Variants in CCDC198 observed in about 807,000 individuals in gnomAD.
The protein encoded by CCDC198 is factor associated with metabolism and energy.
In CCDC198, 18 loss-of-function variants were observed where a neutral mutation model predicts 35.6. The ratio of observed to expected loss-of-function variants is 0.51; its 90% CI spans 0.35 to 0.75. The LOEUF (loss-of-function observed/expected upper bound fraction) is 0.75, where lower values mean the gene tolerates loss of function less well. Ranked by LOEUF, CCDC198 falls within the 30% of genes least tolerant of loss-of-function variation. CCDC198 has a pLI of 0.01. For missense variants in CCDC198, 365 were observed against 343.7 expected (o/e 1.06, Z -0.49); for synonymous variants, 119 against 113.4 (o/e 1.05, Z -0.31).
rs573214004 is a variant in CCDC198 at position 57,483,923 on chromosome 14, A to G, written c.307-772T>C. On this transcript the variant is annotated intron_variant, in intron 2 of 5. Transcript: ENST00000216445. ...GCTACATGCCAGACATGGGGATGCA[A>G]CGGTCACCAAAAGTGGATGTGGCCC... Among the ~76,000 whole-genome samples the G allele has an allele frequency of 1.1e-4, 16 of 152,330 alleles. 1 individual carries two copies. In the South Asian group the frequency reaches 3.3e-3, roughly 32 times the overall value.
At chr14:57,478,882 A>G (rs2067090336) in intron 5 of CCDC198, 10 of 1,177,896 alleles carry the variant, frequency 8.5e-6, no homozygotes, top group Non-Finnish European at 9.7e-6. Context: ...TTTGCGTCTT[A>G]GAAGTTCAAG....
At chr14:57,484,989 T>C (rs1000117454) in intron 2 of CCDC198, among the ~76,000 whole-genome samples, 1 of 152,090 alleles carries the variant, frequency 6.6e-6, no homozygotes, top group African/African-American at 2.4e-5. Flanking sequence ...CAAGATTCAT[T>C]ATGGTTAGTA....
intron 5 of CCDC198, among the ~76,000 whole-genome samples, chr14:57,479,394 T>G (rs1424302355): frequency 6.6e-6 from 1 of 152,160 alleles, no homozygotes; most frequent in South Asian, 2.1e-4. Flanking sequence ...TAGCTCCATG[T>G]TAAGGAGTTT....
chr14:57,472,294 C>T lies in CCDC198; in HGVS notation c.656-704G>A, dbSNP rs577016276. 5.7e-4 allele frequency among the ~76,000 whole-genome samples: 87 copies of T among 152,236 alleles called. 1 individual carries two copies. The Middle Eastern group carries it at 0.01, about 18-fold the overall frequency. On this transcript the variant is annotated intron_variant, in intron 5 of 5. Coordinates refer to ENST00000216445, the MANE Select transcript of CCDC198 (RefSeq NM_018168.4). ...CAATCTCTACACCCCATCACCGTTCCTCCTCTTTCTCCTCTTCTGTTTCCT... is the reference window on the plus strand; with the variant it reads ...CAATCTCTACACCCCATCACCGTTCTTCCTCTTTCTCCTCTTCTGTTTCCT...
intron 2 of CCDC198, among the ~76,000 whole-genome samples, chr14:57,488,952 GAAGAC>G (rs1566591411): frequency 1.3e-5 from 2 of 152,172 alleles, no homozygotes; most frequent in East Asian, 3.9e-4. Context: ...AACCATTGTG[GAAGAC>G]AGTGTGGTGA....
At chr14:57,485,180 C>T (rs773281200) in intron 2 of CCDC198, among the ~76,000 whole-genome samples, 1 of 150,088 alleles carries the variant, frequency 6.7e-6, no homozygotes, top group African/African-American at 2.5e-5. Flanking sequence ...ATACAGGGAG[C>T]TTGGGAGGAG....
At chr14:57,482,615 C>T (rs555218651) in intron 3 of CCDC198, among the ~76,000 whole-genome samples, 1 of 152,092 alleles carries the variant, frequency 6.6e-6, no homozygotes, top group Non-Finnish European at 1.5e-5. Flanking sequence ...GAAGACATTT[C>T]CCAGGATTAA....
intron 5 of CCDC198, among the ~76,000 whole-genome samples, chr14:57,477,531 G>T (rs774675772): frequency 6.6e-6 from 1 of 152,048 alleles, no homozygotes; most frequent in Non-Finnish European, 1.5e-5. Context: ...CAAAGAAAAA[G>T]ATTCTCATAC....
At chr14:57,474,622 A>G (rs1029314869) in intron 5 of CCDC198, among the ~76,000 whole-genome samples, 27 of 152,248 alleles carry the variant, frequency 1.8e-4, no homozygotes, top group African/African-American at 6.5e-4. Flanking sequence ...TGTACACAGC[A>G]TTAAAATTTG....
At chr14:57,475,411 T>C in intron 5 of CCDC198, 2 of 1,144,100 alleles carry the variant, frequency 1.7e-6, no homozygotes, top group Non-Finnish European at 2.2e-6. Context: ...AAGTGACACA[T>C]CCCTGAAGCA....
Position 57,471,491 on chromosome 14 carries a change from G to T in CCDC198, c.755C>A (p.Ala252Asp). 6.2e-7 allele frequency: 1 copy of T among 1,613,896 alleles called. No individual in the cohort carries two copies. Among genetic ancestry groups the T allele is most frequent in the Non-Finnish European group, 8.5e-7 (1 of 1,179,928 alleles). Residue 252 changes from alanine (A) to aspartate (D), a missense_variant, in exon 6 of 6, where the codon GCC (alanine) becomes GAC (aspartate). Transcript: ENST00000216445. Reference sequence around the variant, plus strand: ...ACTGTCCCAGAGAAGCTGTCCCTGGGCCTCTTGTTCATGAAGCCATGTTTC... The same window carrying T: ...ACTGTCCCAGAGAAGCTGTCCCTGGTCCTCTTGTTCATGAAGCCATGTTTC... ...KMETWLHEQE[A>D]QGQLLWDSSS...
At chr14:57,473,397 C>T (rs2066880213) in intron 5 of CCDC198, among the ~76,000 whole-genome samples, 1 of 152,186 alleles carries the variant, frequency 6.6e-6, no homozygotes. Flanking sequence ...CCTGCTTCTG[C>T]TCCTGGCTAC....
At chr14:57,490,213 G>A (rs936537962) in intron 2 of CCDC198, among the ~76,000 whole-genome samples, 2 of 152,118 alleles carry the variant, frequency 1.3e-5, no homozygotes, top group African/African-American at 2.4e-5. Flanking sequence ...CTGCTCACAA[G>A]AGAGCCCCAA....
rs140040028 is a variant in CCDC198, at chr14:57,482,409, G to A, written c.393+656C>T. 2.5e-3 allele frequency among the ~76,000 whole-genome samples: 383 copies of A among 152,248 alleles called. 3 individuals carry two copies. Among genetic ancestry groups the A allele is most frequent in the South Asian group, 4.4e-3 (21 of 4,824 alleles). Reference sequence around the variant, plus strand: ...CACAGATGCTGTCAGCACCACAAACGTGGGCTTGAGGATGTGACAGCACCT... The same window carrying A: ...CACAGATGCTGTCAGCACCACAAACATGGGCTTGAGGATGTGACAGCACCT... On this transcript the variant is annotated intron_variant, in intron 3 of 5. Transcript: ENST00000216445.
At chr14:57,493,155 C>A (rs1266661146) in intron 1 of CCDC198, among the ~76,000 whole-genome samples, 3 of 152,156 alleles carry the variant, frequency 2.0e-5, no homozygotes, top group Non-Finnish European at 4.4e-5. Context: ...CGATTGCTAT[C>A]ATTTATCACT....
rs570615319 is a variant in CCDC198 at position 57,476,849 on chromosome 14, A to G, written c.655+3746T>C. Among the ~76,000 whole-genome samples, 8 of 152,354 alleles carry G rather than the reference A, an allele frequency of 5.3e-5. 1 individual carries two copies. The highest frequency in any genetic ancestry group is 1.9e-4 in the African/African-American group (8 of 41,588). The stretch of plus-strand genomic sequence containing the variant: ...AAGTGTAAGATCTTAGCTACACTCC[A>G]TTTGTAGGAGAAAGCGAACTACTTT... On this transcript the variant is annotated intron_variant, in intron 5 of 5. Transcript: ENST00000216445.
chr14:57,489,321 C>A (rs2067480624), intron 2 of CCDC198, among the ~76,000 whole-genome samples: 1 of 152,012 alleles, frequency 6.6e-6, no homozygotes, highest in South Asian at 2.1e-4. Context: ...GGGAGCTGAA[C>A]AATGAGAACA....
chr14:57,475,309 A>T (rs1758196471), intron 5 of CCDC198: 1 of 881,444 alleles, frequency 1.1e-6, no homozygotes, highest in South Asian at 5.2e-5. Flanking sequence ...AAATCTATAA[A>T]AAAATAAAAT....
At chr14:57,479,611 A>G (rs1296534658) in intron 5 of CCDC198, among the ~76,000 whole-genome samples, 1 of 152,174 alleles carries the variant, frequency 6.6e-6, no homozygotes. Flanking sequence ...TGCCTTTTGT[A>G]ATAAACTCCC....
Sources: allele counts gnomAD v4.1 joint callset (sites outside exome capture counted in the v4.1 genomes callset), GRCh38; gene constraint gnomAD v4.1.1; transcripts MANE v1.5; gene names NCBI Gene and HGNC (gene_info 2026-07-23, HGNC 2026-07-21).